NNMT: variants seen among roughly 807,000 people sequenced by gnomAD.
NNMT encodes the protein nicotinamide N-methyltransferase.
NNMT carries 10 observed loss-of-function variants against 11.7 expected under a neutral mutation model. The observed-to-expected ratio is 0.85, with a 90% CI of 0.53 to 1.45. NNMT has a LOEUF of 1.45. Among genes scored for constraint, NNMT ranks in the 40% most tolerant of loss-of-function variants. The pLI, the probability that NNMT is intolerant of heterozygous loss-of-function variation, is 0.00. For missense variants in NNMT, 381 were observed against 319.4 expected (o/e 1.19, Z -1.47); for synonymous variants, 143 against 133.8 (o/e 1.07, Z -0.48).
At chr11:114,301,995 G>T in intron 2 of NNMT, among the ~76,000 whole-genome samples, 1 of 151,608 alleles carries the variant, frequency 6.6e-6, no homozygotes, top group Admixed American at 6.6e-5. Context: ...CTAAATTTTG[G>T]GGATAATTTA....
chr11:114,312,799 T>G lies in NNMT; in HGVS notation c.*322T>G. 3.5e-6 allele frequency: 1 copy of G among 285,248 alleles called. No homozygotes were observed. The highest frequency in any genetic ancestry group is 6.6e-6 in the Non-Finnish European group (1 of 150,862). 17.7% of individuals were successfully genotyped at this position (285,248 alleles called of 1,614,324 possible). On this transcript the variant is annotated 3_prime_UTR_variant, in exon 3 of 3. Coordinates refer to ENST00000299964, the MANE Select transcript of NNMT (RefSeq NM_006169.3). ...CCGTACCTGCCTACAGAGAAGTGTCTGCAGTTACTCACTATTAGTTTCCTA... is the reference window on the plus strand; with the variant it reads ...CCGTACCTGCCTACAGAGAAGTGTCGGCAGTTACTCACTATTAGTTTCCTA...
At position 114,312,660 on chromosome 11, in the gene NNMT, C is replaced by G. The variant is rs897405930; in HGVS notation, c.*183C>G. The G allele has an allele frequency of 3.4e-6, 2 of 582,246 alleles. No homozygotes were observed. Among genetic ancestry groups the G allele is most frequent in the Non-Finnish European group, 6.0e-6 (2 of 332,988 alleles). 36.1% of individuals were successfully genotyped at this position (582,246 alleles called of 1,614,324 possible). A position where few individuals can be genotyped will look rare whatever the true frequency, so the allele number is the denominator to read the frequency against. On this transcript the variant is annotated 3_prime_UTR_variant, in exon 3 of 3. Transcript: ENST00000299964. ...TTGACCACTTACTTGGTGCTGCACA[C>G]AAATGTTGGTGCTATGGGACCCAAA...
chr11:114,278,612 ATGTGTGTG>A (rs3057704), intron 2 of NNMT, among the ~76,000 whole-genome samples: 3 of 147,026 alleles, frequency 2.0e-5, no homozygotes, highest in Non-Finnish European at 4.5e-5. Flanking sequence ...CCTAATACTC[ATGTGTGTG>A]TGTGTGTGTG....
At chr11:114,268,785 A>AC (rs1437895797) in intron 2 of NNMT, among the ~76,000 whole-genome samples, 4 of 151,778 alleles carry the variant, frequency 2.6e-5, no homozygotes, top group Admixed American at 2.0e-4. Context: ...AAAAAAAAAA[A>AC]AAAAAACTGA....
At chr11:114,274,442 C>T (rs1001558219) in intron 2 of NNMT, among the ~76,000 whole-genome samples, 2 of 152,216 alleles carry the variant, frequency 1.3e-5, no homozygotes, top group Non-Finnish European at 2.9e-5. Flanking sequence ...AGGCTGCAGT[C>T]ATTTGACTGG....
In NNMT at chr11:114,312,839, G is replaced by C. The variant is rs567849286; in HGVS notation, c.*362G>C. 16 of 199,978 alleles carry C rather than the reference G, an allele frequency of 8.0e-5. No homozygotes were observed. The highest frequency in any genetic ancestry group is 1.3e-4 in the Non-Finnish European group (13 of 97,082). The allele number at this position is 199,978 out of a possible 1,614,324, so 12.4% of individuals were successfully genotyped here. On this transcript the variant is annotated 3_prime_UTR_variant, in exon 3 of 3. Coordinates refer to ENST00000299964, the MANE Select transcript of NNMT (RefSeq NM_006169.3). The stretch of plus-strand genomic sequence containing the variant: ...TTAGTTTCCTAAGGGGGCACTGCTG[G>C]CTCCTTCTCTCCCAGGAATGGGCTT...
intron 1 of NNMT, among the ~76,000 whole-genome samples, chr11:114,261,436 T>G (rs1450800973): frequency 6.6e-6 from 1 of 151,868 alleles, no homozygotes; most frequent in African/African-American, 2.4e-5. Context: ...AAAAATAAAT[T>G]AGCCGGGTGT....
chr11:114,269,745 A>G (rs1369947247), intron 2 of NNMT, among the ~76,000 whole-genome samples: 2 of 152,116 alleles, frequency 1.3e-5, no homozygotes, highest in Non-Finnish European at 2.9e-5. Context: ...AGCTCACTCC[A>G]TCACTGCATT....
chr11:114,268,199 G>A (rs1945136803), intron 2 of NNMT, among the ~76,000 whole-genome samples: 1 of 151,934 alleles, frequency 6.6e-6, no homozygotes, highest in African/African-American at 2.4e-5. Context: ...ACACCTGGGA[G>A]CTACAAGATC....
intron 2 of NNMT, among the ~76,000 whole-genome samples, chr11:114,290,969 A>G (rs189792541): frequency 6.6e-6 from 1 of 152,308 alleles, no homozygotes; most frequent in African/African-American, 2.4e-5. Context: ...TGTTTTTAAC[A>G]TCTTTTGTAG....
intron 1 of NNMT, chr11:114,262,720 T>C (rs1190963172): frequency 6.6e-6 from 1 of 152,250 alleles, no homozygotes; most frequent in Non-Finnish European, 1.5e-5. Context: ...ATTCTAGGAC[T>C]CTAGGACTCT....
In NNMT at chr11:114,312,170, C is replaced by T. The variant is rs1490187597; in HGVS notation, c.488C>T (p.Thr163Ile). Reference sequence around the variant, plus strand: ...CCCCCGGCTGACTGCGTGCTCAGCACACTGTGTCTGGATGCCGCCTGCCCA... The same window carrying T: ...CCCCCGGCTGACTGCGTGCTCAGCATACTGTGTCTGGATGCCGCCTGCCCA... Reference protein sequence around the residue: ...PLPPADCVLSTLCLDAACPDL... With the variant: ...PLPPADCVLSILCLDAACPDL... The change falls in exon 3 of 3, where the codon ACA becomes ATA. Residue 163 changes from threonine (T) to isoleucine (I), a missense_variant. Physicochemically the swap from Thr to Ile is moderately conservative, Grantham distance 89. Coordinates refer to ENST00000299964, the MANE Select transcript of NNMT (RefSeq NM_006169.3). 3 of 1,614,110 alleles carry T rather than the reference C, an allele frequency of 1.9e-6. No homozygotes were observed. Among genetic ancestry groups the T allele is most frequent in the Admixed American group, 1.7e-5 (1 of 60,014 alleles).
At chr11:114,303,286 T>C (rs1449176510) in intron 2 of NNMT, among the ~76,000 whole-genome samples, 1 of 152,198 alleles carries the variant, frequency 6.6e-6, no homozygotes, top group African/African-American at 2.4e-5. Context: ...GTAATTGTTT[T>C]CCTCCCTGCT....
At chr11:114,280,110 C>A (rs576045387) in intron 2 of NNMT, among the ~76,000 whole-genome samples, 2 of 152,034 alleles carry the variant, frequency 1.3e-5, no homozygotes, top group African/African-American at 4.8e-5. Context: ...CATTCTGAGG[C>A]CATGGAGAAT....
upstream of NNMT, among the ~76,000 whole-genome samples, chr11:114,294,201 G>A (rs1224663950): frequency 1.3e-5 from 2 of 152,112 alleles, no homozygotes; most frequent in African/African-American, 2.4e-5. Context: ...AATAGTTAGA[G>A]GCCAGGCGCA....
rs553303662 is a variant in NNMT, at chr11:114,289,174, TA to T, written c.-129-7251del. On this transcript the variant is annotated intron_variant, in intron 2 of 4. Transcript: ENST00000535401. The stretch of plus-strand genomic sequence containing the variant: ...AATTTAATGTTTCAATGTATAGGCA[TA>T]AAGTTATTTGTAATATCTTGTTATT... Among the ~76,000 whole-genome samples, 35 of 152,332 alleles carry T rather than the reference TA, an allele frequency of 2.3e-4. No individual in the cohort carries two copies. The South Asian group carries it at 4.6e-3, about 20-fold the overall frequency.
chr11:114,261,320 G>T (rs1008890081), intron 1 of NNMT, among the ~76,000 whole-genome samples: 1 of 152,130 alleles, frequency 6.6e-6, no homozygotes, highest in Non-Finnish European at 1.5e-5. Flanking sequence ...GGTGGCTCAC[G>T]CCTGTAATCC....
chr11:114,298,784 T>G (rs1224675403), intron 2 of NNMT, among the ~76,000 whole-genome samples: 5 of 152,236 alleles, frequency 3.3e-5, no homozygotes, highest in African/African-American at 1.2e-4. Context: ...ACATGTAAAT[T>G]TATGCAAATG....
At chr11:114,276,906 G>A (rs1945217486) in intron 2 of NNMT, among the ~76,000 whole-genome samples, 1 of 152,258 alleles carries the variant, frequency 6.6e-6, no homozygotes, top group African/African-American at 2.4e-5. Context: ...TAACATCTCA[G>A]AGCCTCAGTT....
Sources: gnomAD v4.1 joint callset for allele counts (sites outside exome capture counted in the v4.1 genomes callset) on GRCh38, gnomAD v4.1.1 for gene constraint, MANE v1.5 for transcripts, NCBI Gene and HGNC (gene_info 2026-07-23, HGNC 2026-07-21) for gene names.